DLGAP3: variants seen among roughly 807,000 people sequenced by gnomAD.
DLGAP3 encodes the protein disks large-associated protein 3.
A neutral mutation model predicts 81.2 loss-of-function variants in DLGAP3; 17 were observed. The observed-to-expected ratio is 0.21, with a 90% CI of 0.14 to 0.31. DLGAP3 has a LOEUF of 0.31. Ranked by LOEUF, DLGAP3 falls within the 10% of genes least tolerant of loss-of-function variation. DLGAP3 has a pLI of 1.00. For missense variants in DLGAP3, 1,124 were observed against 1,388.0 expected, an observed-to-expected ratio of 0.81 and a Z score of 3.02; for synonymous variants, 577 against 587.4, an observed-to-expected ratio of 0.98 and a Z score of 0.26.
intron 8 of DLGAP3, among the ~76,000 whole-genome samples, chr1:34,877,899 G>T (rs1639082157): frequency 1.3e-5 from 2 of 152,202 alleles, no homozygotes; most frequent in South Asian, 4.1e-4. Flanking sequence ...CAAAGAAAAA[G>T]CATGTCAACT....
intron 8 of DLGAP3, among the ~76,000 whole-genome samples, chr1:34,883,346 C>T (rs1008383215): frequency 6.6e-6 from 1 of 152,198 alleles, no homozygotes; most frequent in African/African-American, 2.4e-5. Flanking sequence ...GCAAGAGTCT[C>T]AGCTAGAAGG....
intron 8 of DLGAP3, among the ~76,000 whole-genome samples, chr1:34,870,812 C>T (rs572741842): frequency 2.0e-5 from 3 of 152,328 alleles, no homozygotes; most frequent in Non-Finnish European, 4.4e-5. Flanking sequence ...TCCATCAGTA[C>T]CCTGCAGAGG....
rs1184804947 is a variant in DLGAP3, at chr1:34,902,228, A to G, written c.1108-1955T>C. The stretch of plus-strand genomic sequence containing the variant: ...ACAGGTTAAATGGGGTAGGGATGGG[A>G]GCTCCAAAAGGGGTAACGCCTCAGG... On this transcript the variant is annotated intron_variant, in intron 3 of 11. Transcript: ENST00000373347. The surrounding 1 kb of genome is among the most constrained non-coding windows in gnomAD (Gnocchi z 4.4). 6.6e-6 allele frequency among the ~76,000 whole-genome samples: 1 copy of G among 151,936 alleles called. No individual in the cohort carries two copies. The highest frequency in any genetic ancestry group is 6.6e-5 in the Admixed American group (1 of 15,264).
chr1:34,893,754 C>A (rs1350376825), intron 5 of DLGAP3, among the ~76,000 whole-genome samples: 2 of 152,098 alleles, frequency 1.3e-5, no homozygotes, highest in African/African-American at 4.8e-5. Context: ...GAAAGTAACT[C>A]AAATTGTATA....
At chr1:34,876,451 G>A (rs1639058375) in intron 8 of DLGAP3, among the ~76,000 whole-genome samples, 1 of 152,218 alleles carries the variant, frequency 6.6e-6, no homozygotes. Context: ...AGAAAATGGG[G>A]CTGGGCTGTG....
At chr1:34,914,160 A>G (rs1335068462) in intron 1 of DLGAP3, among the ~76,000 whole-genome samples, 1 of 152,132 alleles carries the variant, frequency 6.6e-6, no homozygotes, top group African/African-American at 2.4e-5. Context: ...AGCTAGGGCC[A>G]TGTACCCAAC....
intron 5 of DLGAP3, 44 bp from the exon 6 acceptor site, chr1:34,886,329 G>C: frequency 6.6e-7 from 1 of 1,511,470 alleles, no homozygotes; most frequent in Middle Eastern, 1.7e-4. Flanking sequence ...GGTGCCGGGA[G>C]GGGGTGGAAG....
At chr1:34,901,121 T>G (rs1390944736) in intron 3 of DLGAP3, among the ~76,000 whole-genome samples, 1 of 151,810 alleles carries the variant, frequency 6.6e-6, no homozygotes, top group Non-Finnish European at 1.5e-5. Flanking sequence ...GAGCAGGTGG[T>G]TGGATGTTTG....
At position 34,929,108 on chromosome 1, in the gene DLGAP3, G is replaced by A. The variant is rs994018603; in HGVS notation, c.-135+343C>T. ...TCTCTCCGGATCTCCCCAGCACCAC[G>A]ACTTCCCCCACAACCAGCTGGCTAC... On this transcript the variant is annotated intron_variant, in intron 1 of 11. Coordinates refer to ENST00000373347, the MANE Select transcript of DLGAP3 (RefSeq NM_001080418.3). This position sits in a 1 kb window ranked among gnomAD's most constrained non-coding sequence, Gnocchi z 6.5. Among the ~76,000 whole-genome samples, 3 of 152,012 alleles carry A rather than the reference G, an allele frequency of 2.0e-5. No homozygotes were observed. Among genetic ancestry groups the A allele is most frequent in the African/African-American group, 7.2e-5 (3 of 41,438 alleles).
At chr1:34,926,462 A>G (rs1639874270) in intron 1 of DLGAP3, among the ~76,000 whole-genome samples, 1 of 152,180 alleles carries the variant, frequency 6.6e-6, no homozygotes, top group African/African-American at 2.4e-5. Flanking sequence ...GGCAGGGTGG[A>G]TAAAGAGGAA....
intron 1 of DLGAP3, among the ~76,000 whole-genome samples, chr1:34,911,019 T>TCCCCCC (rs1336103561): frequency 7.0e-5 from 3 of 42,892 alleles, no homozygotes; most frequent in African/African-American, 1.0e-4. Context: ...ATAGATATTA[T>TCCCCCC]CCACCCCCCC....
At position 34,868,447 on chromosome 1, in the gene DLGAP3, C is replaced by T. The variant is rs1384246199; in HGVS notation, c.2485+158G>A. Among the ~76,000 whole-genome samples, 2 of 152,226 alleles carry T rather than the reference C, an allele frequency of 1.3e-5. No individual in the cohort carries two copies. The highest frequency in any genetic ancestry group is 1.9e-4 in the East Asian group (1 of 5,146). On this transcript the variant is annotated intron_variant, in intron 9 of 11. Coordinates refer to ENST00000373347, the MANE Select transcript of DLGAP3 (RefSeq NM_001080418.3). This position sits in a 1 kb window ranked among gnomAD's most constrained non-coding sequence, Gnocchi z 7.5. ...AAGAGCTCCCAGCATGTCTTGCTGC[C>T]GATGTTGACCCGCCACGCTCCAGTG...
At chr1:34,913,171 C>A (rs1316310777) in intron 1 of DLGAP3, among the ~76,000 whole-genome samples, 1 of 152,192 alleles carries the variant, frequency 6.6e-6, no homozygotes, top group Admixed American at 6.5e-5. Context: ...GGAAGGCTTG[C>A]CGTTTTATTC....
At chr1:34,872,962 A>G (rs570331088) in intron 8 of DLGAP3, among the ~76,000 whole-genome samples, 8 of 152,374 alleles carry the variant, frequency 5.3e-5, no homozygotes, top group African/African-American at 1.7e-4. Flanking sequence ...ACATTAACAC[A>G]ACCTGTAAAG....
In DLGAP3 at chr1:34,903,144, C is replaced by A. The variant is rs150989991; in HGVS notation, c.1107+1133G>T. Among the ~76,000 whole-genome samples, 14 of 152,344 alleles carry A rather than the reference C, an allele frequency of 9.2e-5. No individual in the cohort carries two copies. The East Asian group carries it at 2.1e-3, about 23-fold the overall frequency. On this transcript the variant is annotated intron_variant, in intron 3 of 11. Transcript: ENST00000373347. Reference sequence around the variant, plus strand: ...CATACCTTTGAACATGCTGTATAGTCTCTTCCCAATACACGTTTAGCCAGC... The same window carrying A: ...CATACCTTTGAACATGCTGTATAGTATCTTCCCAATACACGTTTAGCCAGC...
At chr1:34,923,936 T>C (rs569114025) in intron 1 of DLGAP3, among the ~76,000 whole-genome samples, 1 of 152,224 alleles carries the variant, frequency 6.6e-6, no homozygotes, top group East Asian at 1.9e-4. Context: ...CTGGAAACTG[T>C]CTCCTTCCTC....
intron 8 of DLGAP3, among the ~76,000 whole-genome samples, chr1:34,878,877 T>C (rs1418921740): frequency 6.6e-6 from 1 of 152,036 alleles, no homozygotes; most frequent in African/African-American, 2.4e-5. Flanking sequence ...GAGACCATCC[T>C]GGCTAACATG....
intron 5 of DLGAP3, among the ~76,000 whole-genome samples, chr1:34,892,900 C>T (rs972545447): frequency 4.6e-5 from 7 of 152,134 alleles, no homozygotes; most frequent in Admixed American, 1.3e-4. Context: ...CGGCCGGGCG[C>T]GGTGGCTCAC....
At chr1:34,910,798 TTG>T (rs1259277968) in intron 1 of DLGAP3, among the ~76,000 whole-genome samples, 1 of 152,182 alleles carries the variant, frequency 6.6e-6, no homozygotes, top group African/African-American at 2.4e-5. Flanking sequence ...CATTTTAAAT[TTG>T]TGTGACTCCT....
Sources: allele counts gnomAD v4.1 joint callset (sites outside exome capture counted in the v4.1 genomes callset), GRCh38; gene constraint gnomAD v4.1.1; non-coding constraint Gnocchi (gnomAD v3.1); transcripts MANE v1.5; gene names NCBI Gene and HGNC (gene_info 2026-07-23, HGNC 2026-07-21).